The following CTBP2 variants were observed in gnomAD, a reference collection of about 807,000 sequenced individuals.
CTBP2 encodes C-terminal binding protein 2.
Under a neutral mutation model 80.3 loss-of-function variants are expected in CTBP2, and 30 were observed. That is an observed-to-expected ratio of 0.37 (90% confidence interval 0.28 to 0.51). CTBP2 has a LOEUF of 0.51. CTBP2 is among the 20% of genes least tolerant of loss of function. CTBP2 has a pLI of 0.93. For synonymous variants in CTBP2, 594 were observed against 587.4 expected (o/e 1.01, Z -0.16); for missense variants, 1,212 against 1,375.3 (o/e 0.88, Z 1.88).
chr10:125,032,081 G>C (rs1311548174), upstream of CTBP2, among the ~76,000 whole-genome samples: 3 of 151,614 alleles, frequency 2.0e-5, no homozygotes, highest in Non-Finnish European at 4.4e-5. Context: ...CCATTCTCTT[G>C]CACTGCCCAT....
intron 2 of CTBP2, among the ~76,000 whole-genome samples, chr10:125,100,115 A>G (rs1186568375): frequency 2.0e-5 from 3 of 152,228 alleles, no homozygotes; most frequent in Non-Finnish European, 4.4e-5. Context: ...AAAAATTCCC[A>G]AATACATCAA....
chr10:125,139,818 C>T (rs1400391471), intron 1 of CTBP2, among the ~76,000 whole-genome samples: 1 of 152,166 alleles, frequency 6.6e-6, no homozygotes, highest in Non-Finnish European at 1.5e-5. Flanking sequence ...CCTAGAACTG[C>T]GACCCTACTG....
intron 2 of CTBP2, among the ~76,000 whole-genome samples, chr10:125,085,289 T>G (rs1262098586): frequency 6.6e-6 from 1 of 152,194 alleles, no homozygotes; most frequent in African/African-American, 2.4e-5. Flanking sequence ...AACTCCCTCC[T>G]TTAAGATTCC....
rs550136585 is a variant in CTBP2 at position 125,082,886 on chromosome 10, G to T, written c.-102+28104C>A. ...TTATAGGCGTGAGCCCCTGCACCCA[G>T]CCTTTCTGAGAATTTTCACAGGACA... On this transcript the variant is annotated intron_variant, in intron 2 of 10. Transcript: ENST00000337195. Among the ~76,000 whole-genome samples, 4 of 152,290 alleles carry T rather than the reference G, an allele frequency of 2.6e-5. No homozygotes were observed. The East Asian group carries it at 7.7e-4, about 29-fold the overall frequency.
At chr10:125,117,368 GAGC>G (rs950885133) in intron 1 of CTBP2, among the ~76,000 whole-genome samples, 23 of 152,208 alleles carry the variant, frequency 1.5e-4, no homozygotes, top group African/African-American at 5.5e-4. Flanking sequence ...CTCTGCCACC[GAGC>G]ACCACACAGT....
chr10:125,030,515 C>A (rs1380430855), upstream of CTBP2, among the ~76,000 whole-genome samples: 3 of 152,192 alleles, frequency 2.0e-5, no homozygotes, highest in Non-Finnish European at 4.4e-5. Context: ...CAGTGGGTAC[C>A]CTCCGACGGA....
upstream of CTBP2, among the ~76,000 whole-genome samples, chr10:125,031,005 T>C (rs1958124942): frequency 6.6e-6 from 1 of 152,068 alleles, no homozygotes; most frequent in South Asian, 2.1e-4. Context: ...CAGTGCCCTC[T>C]ACGTCTCCCA....
In CTBP2 at chr10:124,985,675, T is replaced by C. The variant is rs1435556492; in HGVS notation, c.*3843A>G. 2 of 152,626 alleles carry C rather than the reference T, an allele frequency of 1.3e-5. No homozygotes were observed. Among genetic ancestry groups the C allele is most frequent in the Non-Finnish European group, 2.9e-5 (2 of 68,030 alleles). The allele number at this position is 152,626 out of a possible 1,614,324, so 9.5% of individuals were successfully genotyped here. A position where few individuals can be genotyped will look rare whatever the true frequency, so the allele number is the denominator to read the frequency against. ...TATTGTGTCTTTAAGTTTTCTGATA[T>C]GCCCCCTTTCAATATTTAGATATTT... On this transcript the variant is annotated 3_prime_UTR_variant, in exon 9 of 9. Transcript: ENST00000309035.
At chr10:125,056,517 A>T (rs558107380) in intron 2 of CTBP2, among the ~76,000 whole-genome samples, 1 of 152,324 alleles carries the variant, frequency 6.6e-6, no homozygotes, top group South Asian at 2.1e-4. Flanking sequence ...GGAGCCCAGG[A>T]GGCCCAGAGC....
chr10:125,136,570 G>A (rs1224775152), intron 1 of CTBP2, among the ~76,000 whole-genome samples: 1 of 152,178 alleles, frequency 6.6e-6, no homozygotes, highest in East Asian at 1.9e-4. Context: ...TGTGGAGGAT[G>A]TGGGAAAGAA....
rs1951978434 is a variant in CTBP2 at position 124,984,325 on chromosome 10, A to G, written c.*5193T>C. On this transcript the variant is annotated 3_prime_UTR_variant, in exon 9 of 9. Coordinates refer to ENST00000309035, the MANE Select transcript of CTBP2 (RefSeq NM_022802.3). The stretch of plus-strand genomic sequence containing the variant: ...CTTTCAGAAAGCCAGTATTCTTATA[A>G]AAGTATTGGTCTTTTATTTAATATA... 6.4e-6 allele frequency: 1 copy of G among 156,114 alleles called. No individual in the cohort carries two copies. Among genetic ancestry groups the G allele is most frequent in the East Asian group, 1.9e-4 (1 of 5,282 alleles). 9.7% of individuals were successfully genotyped at this position (156,114 alleles called of 1,614,324 possible).
At chr10:125,084,058 G>C (rs1371059543) in intron 2 of CTBP2, among the ~76,000 whole-genome samples, 2 of 152,194 alleles carry the variant, frequency 1.3e-5, no homozygotes, top group Non-Finnish European at 2.9e-5. Context: ...TAGGATTACA[G>C]GTGTGAGCCA....
intron 1 of CTBP2, among the ~76,000 whole-genome samples, chr10:125,151,004 TTAG>T (rs1490707959): frequency 6.6e-6 from 1 of 150,724 alleles, no homozygotes; most frequent in East Asian, 2.0e-4. Flanking sequence ...CAGGTGATAG[TTAG>T]TCACTGTTTT....
At position 125,005,838 on chromosome 10, in the gene CTBP2, G is replaced by A. The variant is rs749750878; in HGVS notation, c.1679-2346C>T. 3 of 1,592,036 alleles carry A rather than the reference G, an allele frequency of 1.9e-6. No individual in the cohort carries two copies. The South Asian group carries it at 3.4e-5, about 18-fold the overall frequency. On this transcript the variant is annotated intron_variant, in intron 1 of 8. Coordinates refer to ENST00000309035, the MANE Select transcript of CTBP2 (RefSeq NM_022802.3). ...CAGGCGGTCGCCCACACACAGTGAG[G>A]AACACCCCAACTTCACTTTCAGGGG...
At chr10:125,137,777 C>T (rs963967762) in intron 1 of CTBP2, among the ~76,000 whole-genome samples, 3 of 152,332 alleles carry the variant, frequency 2.0e-5, no homozygotes, top group South Asian at 2.1e-4. Flanking sequence ...ACCTCCACCA[C>T]GTTCTTTTTC....
chr10:125,150,835 A>C, intron 1 of CTBP2, among the ~76,000 whole-genome samples: 1 of 149,156 alleles, frequency 6.7e-6, no homozygotes, highest in East Asian at 2.0e-4. Context: ...GAATATTCAC[A>C]ACAGCCTGGC....
chr10:125,012,369 G>A lies in CTBP2; in HGVS notation c.1679-8877C>T, dbSNP rs530991277. 3.9e-5 allele frequency among the ~76,000 whole-genome samples: 6 copies of A among 152,308 alleles called. No homozygotes were observed. In the South Asian group the frequency reaches 1.2e-3, roughly 32 times the overall value. The stretch of plus-strand genomic sequence containing the variant: ...GGGGACGGTCCCTGCAGGGACGGGT[G>A]GTCAGGATCTCATGCACAGGATAGG... On this transcript the variant is annotated intron_variant, in intron 1 of 8. Transcript: ENST00000309035.
At position 125,026,252 on chromosome 10, in the gene CTBP2, G is replaced by T; in HGVS notation, c.1508C>A (p.Pro503His). 2 of 1,613,900 alleles carry T rather than the reference G, an allele frequency of 1.2e-6. No homozygotes were observed. The highest frequency in any genetic ancestry group is 1.7e-6 in the Non-Finnish European group (2 of 1,179,952). ...GACCTGGGGGCTGCCGTGAGGGCTG[G>T]GCAGCGGAGAGGCGGCCACGTTGCG... Residue 503 changes from proline (P) to histidine (H), a missense_variant, in exon 1 of 9, where the codon CCC (proline) becomes CAC (histidine). Physicochemically the swap from Pro to His is moderately conservative, Grantham distance 77. Coordinates refer to ENST00000309035, the MANE Select transcript of CTBP2 (RefSeq NM_022802.3).
chr10:125,160,127 G>C (rs534302789), intron 1 of CTBP2, 192 bp downstream of exon 1: 1 of 149,466 alleles, frequency 6.7e-6, no homozygotes, highest in Non-Finnish European at 1.5e-5. Flanking sequence ...CGGGCGCCGA[G>C]GGGGGACACG....
Sources: gnomAD v4.1 joint callset for allele counts (sites outside exome capture counted in the v4.1 genomes callset) on GRCh38, gnomAD v4.1.1 for gene constraint, MANE v1.5 for transcripts, NCBI Gene and HGNC (gene_info 2026-07-23, HGNC 2026-07-21) for gene names.